Variants in NAALADL2 observed in about 807,000 individuals in gnomAD.
The protein encoded by NAALADL2 is inactive N-acetylated-alpha-linked acidic dipeptidase-like protein 2.
A neutral mutation model predicts 87.2 loss-of-function variants in NAALADL2; 76 were observed. The ratio of observed to expected loss-of-function variants is 0.87; its 90% confidence interval spans 0.72 to 1.05. The LOEUF is 1.05. Among genes scored for constraint, NAALADL2 ranks in the 50% least tolerant of loss-of-function variants. The pLI, the probability that NAALADL2 is intolerant of heterozygous loss-of-function variation, is 0.00. For missense variants in NAALADL2, 1,089 were observed against 945.8 expected (o/e 1.15, Z -1.99); for synonymous variants, 354 against 331.0 (o/e 1.07, Z -0.75).
At chr3:175,546,279 A>T (rs1449025692) in intron 9 of NAALADL2, among the ~76,000 whole-genome samples, 1 of 151,988 alleles carries the variant, frequency 6.6e-6, no homozygotes, top group African/African-American at 2.4e-5. Context: ...GAGCATATGT[A>T]TGTCCTTGCA....
At chr3:175,259,129 C>T (rs1229046555) in intron 4 of NAALADL2, among the ~76,000 whole-genome samples, 2 of 152,076 alleles carry the variant, frequency 1.3e-5, no homozygotes, top group Non-Finnish European at 2.9e-5. Flanking sequence ...TCTGTGAGCC[C>T]CAGAACGTGT....
Position 175,116,638 on chromosome 3 carries a change from T to C in NAALADL2, c.545+19347T>C, listed in dbSNP as rs529907846. 7.3e-3 allele frequency among the ~76,000 whole-genome samples: 1,112 copies of C among 152,122 alleles called. 4 individuals are homozygous for C. The highest frequency in any genetic ancestry group is 0.011 in the Non-Finnish European group (779 of 67,962). Reference sequence around the variant, plus strand: ...GCTCATGGATAGGAGGAATCAATATTGTGAAAATGGCCATACTGCCCAATG... The same window carrying C: ...GCTCATGGATAGGAGGAATCAATATCGTGAAAATGGCCATACTGCCCAATG... On this transcript the variant is annotated intron_variant, in intron 2 of 13. Transcript: ENST00000454872.
At chr3:175,727,459 G>A (rs1163601290) in intron 11 of NAALADL2, among the ~76,000 whole-genome samples, 2 of 152,180 alleles carry the variant, frequency 1.3e-5, no homozygotes, top group Non-Finnish European at 2.9e-5. Flanking sequence ...AAATGGCCAT[G>A]TGTTTGGGGA....
chr3:174,911,976 T>A (rs1026595344), intron 1 of NAALADL2, among the ~76,000 whole-genome samples: 24 of 152,260 alleles, frequency 1.6e-4, no homozygotes, highest in African/African-American at 5.5e-4. Flanking sequence ...ATTGACCTTT[T>A]AACCACTGAC....
intron 2 of NAALADL2, among the ~76,000 whole-genome samples, chr3:174,726,743 G>C (rs1732229780): frequency 6.6e-6 from 1 of 151,886 alleles, no homozygotes; most frequent in South Asian, 2.1e-4. Context: ...TTGCCCCTCA[G>C]GATTTCGTGT....
chr3:175,271,688 A>G (rs1354499838), intron 4 of NAALADL2, among the ~76,000 whole-genome samples: 1 of 152,186 alleles, frequency 6.6e-6, no homozygotes, highest in Non-Finnish European at 1.5e-5. Flanking sequence ...GCTACTCAGG[A>G]GGCTGAGACA....
intron 1 of NAALADL2, among the ~76,000 whole-genome samples, chr3:174,892,662 G>A (rs1489157908): frequency 2.6e-5 from 4 of 152,120 alleles, no homozygotes; most frequent in Admixed American, 1.3e-4. Context: ...GGTGTCTCAC[G>A]CCTGTAATCC....
chr3:175,702,970 A>T (rs991676300), intron 11 of NAALADL2, among the ~76,000 whole-genome samples: 2 of 152,148 alleles, frequency 1.3e-5, no homozygotes, highest in Non-Finnish European at 1.5e-5. Flanking sequence ...TAAGGATGAG[A>T]ATTCCACCAA....
intron 1 of NAALADL2, among the ~76,000 whole-genome samples, chr3:174,918,648 C>G (rs1482454937): frequency 6.6e-6 from 1 of 152,090 alleles, no homozygotes; most frequent in East Asian, 1.9e-4. Flanking sequence ...GGGTTGCTCC[C>G]ATGGCCAAGA....
intron 2 of NAALADL2, among the ~76,000 whole-genome samples, chr3:175,171,648 C>T (rs761152341): frequency 6.6e-6 from 1 of 152,034 alleles, no homozygotes; most frequent in Non-Finnish European, 1.5e-5. Flanking sequence ...CTTCTGATTA[C>T]ATTACTATAT....
chr3:175,755,133 C>T (rs1747094931), intron 12 of NAALADL2, 87 bp from the exon 13 acceptor site: 2 of 1,118,522 alleles, frequency 1.8e-6, no homozygotes, highest in East Asian at 4.9e-5. Flanking sequence ...GTCTGTCTGG[C>T]TTATAACTTA....
chr3:175,282,581 G>C (rs1192649988), intron 4 of NAALADL2, among the ~76,000 whole-genome samples: 1 of 151,974 alleles, frequency 6.6e-6, no homozygotes, highest in Non-Finnish European at 1.5e-5. Context: ...CTATCTACCT[G>C]TCACCTGCCC....
chr3:174,815,391 C>T (rs1720673631), intron 3 of NAALADL2, among the ~76,000 whole-genome samples: 1 of 152,028 alleles, frequency 6.6e-6, no homozygotes, highest in Admixed American at 6.6e-5. Flanking sequence ...TTCACATCAT[C>T]TTCCTTCTGT....
At chr3:174,817,654 G>A (rs375619804) in intron 3 of NAALADL2, among the ~76,000 whole-genome samples, 34 of 152,126 alleles carry the variant, frequency 2.2e-4, no homozygotes, top group African/African-American at 7.7e-4. Flanking sequence ...ATAAAAATTG[G>A]GGGGAGTGCA....
intron 2 of NAALADL2, among the ~76,000 whole-genome samples, chr3:174,595,741 T>A (rs951630480): frequency 2.0e-5 from 3 of 152,200 alleles, no homozygotes; most frequent in African/African-American, 7.2e-5. Flanking sequence ...CTGGGTGCGG[T>A]GGCTCATGCC....
intron 1 of NAALADL2, among the ~76,000 whole-genome samples, chr3:174,934,641 G>T (rs185866104): frequency 1.3e-5 from 2 of 151,844 alleles, no homozygotes; most frequent in Non-Finnish European, 2.9e-5. Flanking sequence ...CTGAGACCTC[G>T]TCTCTATAAA....
chr3:174,879,907 A>G (rs897943429), intron 1 of NAALADL2, among the ~76,000 whole-genome samples: 1 of 151,980 alleles, frequency 6.6e-6, no homozygotes, highest in African/African-American at 2.4e-5. Flanking sequence ...TGCTTGATCT[A>G]TGAGCAACAC....
intron 11 of NAALADL2, 108 bp downstream of exon 11, chr3:175,627,494 T>A: frequency 1.4e-6 from 1 of 692,164 alleles, no homozygotes; most frequent in South Asian, 2.0e-5. Flanking sequence ...TATTTTCATT[T>A]GTAGAATATA....
At chr3:175,542,526 T>C (rs1371920861) in intron 9 of NAALADL2, among the ~76,000 whole-genome samples, 1 of 152,084 alleles carries the variant, frequency 6.6e-6, no homozygotes, top group Non-Finnish European at 1.5e-5. Context: ...ATGAATGACG[T>C]ATTTTCTTTT....
Sources: allele counts gnomAD v4.1 joint callset (sites outside exome capture counted in the v4.1 genomes callset), GRCh38; gene constraint gnomAD v4.1.1; transcripts MANE v1.5; gene names NCBI Gene and HGNC (gene_info 2026-07-23, HGNC 2026-07-21).